DST: variants seen among roughly 807,000 people sequenced by gnomAD.
DST encodes the protein dystonin.
Under a neutral mutation model 875.2 loss-of-function variants are expected in DST, and 253 were observed. That is an observed-to-expected ratio of 0.29 (90% CI 0.26 to 0.32). The LOEUF (loss-of-function observed/expected upper bound fraction) is 0.32, where lower values mean the gene tolerates loss of function less well. Ranked by LOEUF, DST falls within the 10% of genes least tolerant of loss-of-function variation. The pLI, the probability that DST is intolerant of heterozygous loss-of-function variation, is 1.00. For missense variants in DST, 8,287 were observed against 9,111.6 expected (o/e 0.91, Z 3.68); for synonymous variants, 3,124 against 3,197.1 (o/e 0.98, Z 0.77).
rs58487319 is a variant in DST at position 56,648,533 on chromosome 6, T to C, written c.1554+37A>G. 117,212 of 1,520,292 alleles carry C rather than the reference T, an allele frequency of 0.077. 11,804 individuals carry two copies. The highest frequency in any genetic ancestry group is 0.48 in the African/African-American group (34,716 of 71,800). 94.2% of individuals were successfully genotyped at this position (1,520,292 alleles called of 1,614,324 possible). On this transcript the variant is annotated intron_variant, in intron 13 of 103. Coordinates refer to ENST00000680361, the MANE Select transcript of DST (RefSeq NM_001374736.1). ...ATAGCATTACTTAAGGGTTTACAATTGAATCAATCCTATGTAATTTCTACA... is the reference window on the plus strand; with the variant it reads ...ATAGCATTACTTAAGGGTTTACAATCGAATCAATCCTATGTAATTTCTACA...
intron 55 of DST, 97 bp from the exon 56 acceptor site, chr6:56,562,297 C>CTGAGTGTTGAA (rs79573569): frequency 6.2e-5 from 46 of 736,306 alleles, no homozygotes; most frequent in Admixed American, 2.0e-4. Flanking sequence ...ACAGTAATCA[C>CTGAGTGTTGAA]ACATAAAACA....
At chr6:56,934,499 C>T (rs1811804717) in intron 2 of DST, among the ~76,000 whole-genome samples, 2 of 147,000 alleles carry the variant, frequency 1.4e-5, no homozygotes, top group African/African-American at 5.0e-5. Flanking sequence ...ACTAATTTGT[C>T]AATCATCAGC....
At chr6:56,638,308 C>T (rs187927388) in intron 22 of DST, among the ~76,000 whole-genome samples, 70 of 152,220 alleles carry the variant, frequency 4.6e-4, no homozygotes, top group African/African-American at 1.5e-3. Flanking sequence ...ATTCCCTACT[C>T]TTCTACGTTT....
At chr6:56,622,322 G>A (rs1374916982) in intron 36 of DST, among the ~76,000 whole-genome samples, 5 of 152,108 alleles carry the variant, frequency 3.3e-5, no homozygotes, top group African/African-American at 1.2e-4. Flanking sequence ...TGTAATCCCA[G>A]CACTTTGGGA....
rs878945705 is a variant in DST, at chr6:56,742,242, A to C, written c.626-6953T>G. 4 of 1,236,052 alleles carry C rather than the reference A, an allele frequency of 3.2e-6. No individual in the cohort carries two copies. In the South Asian group the frequency reaches 5.0e-5, roughly 15 times the overall value. 76.6% of individuals were successfully genotyped at this position (1,236,052 alleles called of 1,614,324 possible). A position where few individuals can be genotyped will look rare whatever the true frequency, so the allele number is the denominator to read the frequency against. ...TTCCCTTCCCAGTTCTGAAAACATG[A>C]AAGTGATAGTATATGTGATACTACT... is the stretch of plus-strand genomic sequence containing the variant. On this transcript the variant is annotated intron_variant, in intron 4 of 103. Transcript: ENST00000680361.
At chr6:56,913,867 G>T (rs1243510894) in intron 2 of DST, among the ~76,000 whole-genome samples, 1 of 152,186 alleles carries the variant, frequency 6.6e-6, no homozygotes, top group African/African-American at 2.4e-5. Context: ...GATGCAGTTG[G>T]ATTATTTTCC....
At chr6:56,655,160 C>CAAAAAA (rs11365303) in intron 10 of DST, among the ~76,000 whole-genome samples, 1 of 57,354 alleles carries the variant, frequency 1.7e-5, no homozygotes, top group Non-Finnish European at 4.0e-5. Flanking sequence ...GACTTTGCCT[C>CAAAAAA]AAAAAAAAAA....
rs753515647 is a variant in DST at position 56,608,961 on chromosome 6, T to C, written c.5667A>G (p.Glu1889=). The change falls in exon 40 of 104, where the codon GAA becomes GAG. Residue 1889 remains glutamate (E), a synonymous_variant. Transcript: ENST00000680361. ...GGAAAGCCTTCTGTAGGGTCAACTG[T>C]TCTCCTGTGGCTGGAATAACCAGAG... ...TGSLVIPATG[E]QLTLQKAFQQ... is the part of the protein sequence containing the mutation. 3.1e-6 allele frequency: 5 copies of C among 1,613,858 alleles called. No individual in the cohort carries two copies. The highest frequency in any genetic ancestry group is 3.4e-6 in the Non-Finnish European group (4 of 1,179,810).
At chr6:56,751,086 A>T (rs1458740529) in intron 4 of DST, among the ~76,000 whole-genome samples, 1 of 152,246 alleles carries the variant, frequency 6.6e-6, no homozygotes, top group African/African-American at 2.4e-5. Flanking sequence ...AATCTAAAAA[A>T]AAATCCAAAC....
chr6:56,527,664 C>T lies in DST; in HGVS notation c.17751G>A (p.Leu5917=). The change falls in exon 68 of 104, where the codon CTG becomes CTA. Residue 5917 remains leucine (L), a synonymous_variant. Coordinates refer to ENST00000680361, the MANE Select transcript of DST (RefSeq NM_001374736.1). The part of the protein sequence containing the change: ...IKARYKDITK[L]STDVAKTLEQ... ...CCAGAGTCTTGGCCACATCAGTGCT[C>T]AGTTTAGTAATGTCTTTGTACCTTG... The T allele has an allele frequency of 6.2e-7, 1 of 1,613,708 alleles. No homozygotes were observed. Among genetic ancestry groups the T allele is most frequent in the Non-Finnish European group, 8.5e-7 (1 of 1,179,802 alleles).
At chr6:56,758,427 G>C (rs2099609395) in intron 4 of DST, among the ~76,000 whole-genome samples, 1 of 141,832 alleles carries the variant, frequency 7.1e-6, no homozygotes, top group Admixed American at 6.7e-5. Context: ...AAAGGAACCT[G>C]GGTCCCTGTT....
chr6:56,767,430 A>T (rs1040871028), intron 4 of DST, among the ~76,000 whole-genome samples: 4 of 152,108 alleles, frequency 2.6e-5, no homozygotes, highest in Non-Finnish European at 5.9e-5. Context: ...CAGCCTGACC[A>T]ACATGGCGAA....
intron 75 of DST, 52 bp from the exon 76 acceptor site, chr6:56,506,841 C>A: frequency 6.4e-7 from 1 of 1,558,266 alleles, no homozygotes; most frequent in Non-Finnish European, 8.7e-7. Flanking sequence ...CACATCAAAA[C>A]TTTAAAAAGT....
intron 3 of DST, among the ~76,000 whole-genome samples, chr6:56,873,513 C>CA (rs935410751): frequency 1.2e-4 from 19 of 152,200 alleles, no homozygotes; most frequent in African/African-American, 4.1e-4. Context: ...TATATATACA[C>CA]AAAGGAATAT....
In DST at chr6:56,609,174, A is replaced by G. The variant is rs762856900; in HGVS notation, c.5454T>C (p.Leu1818=). Residue 1818 remains leucine, a synonymous_variant, in exon 40 of 104, where the codon CTT becomes CTC. Coordinates refer to ENST00000680361, the MANE Select transcript of DST (RefSeq NM_001374736.1). ...TAAGGCCATGACTTTTGGCATCTTT[A>G]AGGTCAAAGCACTTTCTTAATTCTG... is the stretch of plus-strand genomic sequence containing the variant. ...ISPELRKCFD[L]KDAKSHGLID... 2.5e-6 allele frequency: 4 copies of G among 1,613,728 alleles called. No individual in the cohort carries two copies. Among genetic ancestry groups the G allele is most frequent in the Non-Finnish European group, 3.4e-6 (4 of 1,179,790 alleles).
chr6:56,597,011 G>A (rs1586126250), intron 47 of DST, among the ~76,000 whole-genome samples: 2 of 152,118 alleles, frequency 1.3e-5, no homozygotes, highest in East Asian at 3.9e-4. Flanking sequence ...GGGAGGATGT[G>A]GGCGGAATGC....
At chr6:56,543,470 C>T (rs2097173508) in intron 61 of DST, among the ~76,000 whole-genome samples, 1 of 152,168 alleles carries the variant, frequency 6.6e-6, no homozygotes, top group Non-Finnish European at 1.5e-5. Flanking sequence ...CTCACTGACT[C>T]CAGATATTTA....
intron 16 of DST, 151 bp downstream of exon 16, chr6:56,642,259 G>A (rs1477036856): frequency 1.2e-6 from 1 of 867,484 alleles, no homozygotes; most frequent in Non-Finnish European, 1.9e-6. Context: ...TCTCTCAAGA[G>A]AGCAAACACC....
At chr6:56,616,472 T>C (rs201313894) in intron 36 of DST, 15 of 1,614,126 alleles carry the variant, frequency 9.3e-6, no homozygotes, top group East Asian at 2.2e-5. Context: ...TTTCTTGACA[T>C]TGAGATTGGA....
Sources: gnomAD v4.1 joint callset for allele counts (sites outside exome capture counted in the v4.1 genomes callset) on GRCh38, gnomAD v4.1.1 for gene constraint, MANE v1.5 for transcripts, NCBI Gene and HGNC (gene_info 2026-07-23, HGNC 2026-07-21) for gene names.